KCNIP1: variants seen among roughly 807,000 people sequenced by gnomAD.
KCNIP1 encodes A-type potassium channel modulatory protein KCNIP1.
KCNIP1 carries 18 observed loss-of-function variants against 33.0 expected under a neutral mutation model. That is an observed-to-expected ratio of 0.55 (90% CI 0.38 to 0.81). KCNIP1 has a LOEUF of 0.81. Ranked by LOEUF, KCNIP1 falls within the 30% of genes least tolerant of loss-of-function variation. KCNIP1 has a pLI of 0.00. For synonymous variants in KCNIP1, 93 were observed against 98.3 expected (o/e 0.95, Z 0.32); for missense variants, 238 against 271.6 (o/e 0.88, Z 0.87).
chr5:170,504,732 C>G lies in KCNIP1; in HGVS notation c.61+99C>G. 1.0e-6 allele frequency: 1 copy of G among 995,946 alleles called. No homozygotes were observed. Among genetic ancestry groups the G allele is most frequent in the Admixed American group, 1.8e-5 (1 of 56,034 alleles). 61.7% of individuals were successfully genotyped at this position (995,946 alleles called of 1,614,324 possible). A position where few individuals can be genotyped will look rare whatever the true frequency, so the allele number is the denominator to read the frequency against. On this transcript the variant is annotated intron_variant, in intron 1 of 7. Coordinates refer to ENST00000328939, the MANE Select transcript of KCNIP1 (RefSeq NM_014592.4). This position sits in a 1 kb window ranked among gnomAD's most constrained non-coding sequence, Gnocchi z 6.0. ...TGCCTCCCTTAGTCCGGACTCTCCT[C>G]TCCACGAGGAGCCCGGACAGGTGCT...
At chr5:170,631,239 G>C (rs770371348) in intron 1 of KCNIP1, among the ~76,000 whole-genome samples, 1 of 152,150 alleles carries the variant, frequency 6.6e-6, no homozygotes, top group Non-Finnish European at 1.5e-5. Flanking sequence ...TATGTCATCT[G>C]TGAAATGGGT....
At chr5:170,480,072 A>C (rs965424971) in intron 1 of KCNIP1, among the ~76,000 whole-genome samples, 3 of 152,226 alleles carry the variant, frequency 2.0e-5, no homozygotes, top group Admixed American at 1.3e-4. Context: ...ACAAAACGTC[A>C]TACTGATTGA....
chr5:170,427,308 G>C (rs988171012), intron 1 of KCNIP1, among the ~76,000 whole-genome samples: 2 of 152,214 alleles, frequency 1.3e-5, no homozygotes, highest in Non-Finnish European at 2.9e-5. Flanking sequence ...GACCAGGAGA[G>C]AAAGGCGTAA....
intron 1 of KCNIP1, among the ~76,000 whole-genome samples, chr5:170,528,877 T>G (rs1410129341): frequency 1.3e-5 from 2 of 152,206 alleles, no homozygotes; most frequent in Non-Finnish European, 2.9e-5. Flanking sequence ...GGTCTGAGTT[T>G]GAGGACAGAA....
intron 1 of KCNIP1, among the ~76,000 whole-genome samples, chr5:170,551,219 A>G (rs1017275508): frequency 2.6e-5 from 4 of 152,174 alleles, no homozygotes; most frequent in African/African-American, 9.7e-5. Flanking sequence ...GCTTTGGCTG[A>G]TCTCACCCTG....
intron 1 of KCNIP1, among the ~76,000 whole-genome samples, chr5:170,390,003 A>G (rs1452578594): frequency 6.6e-6 from 1 of 152,172 alleles, no homozygotes; most frequent in African/African-American, 2.4e-5. Flanking sequence ...TTAAGGACCA[A>G]CTGAGCTGAA....
rs114691588 is a variant in KCNIP1 at position 170,653,340 on chromosome 5, G to C, written c.62-65418G>C. On this transcript the variant is annotated intron_variant, in intron 1 of 7. Transcript: ENST00000328939. ...TGATCAGCTCAGTGTCCTTGGAAAA[G>C]AGCAGAAAGTGGTATCACGAACATA... 2.5e-3 allele frequency among the ~76,000 whole-genome samples: 385 copies of C among 152,226 alleles called. 1 individual carries two copies. The highest frequency in any genetic ancestry group is 8.6e-3 in the African/African-American group (356 of 41,536).
intron 1 of KCNIP1, among the ~76,000 whole-genome samples, chr5:170,399,937 G>A (rs549211506): frequency 1.7e-4 from 26 of 152,260 alleles, no homozygotes; most frequent in Middle Eastern, 3.4e-3. Flanking sequence ...AAGAATATTA[G>A]CCATTAAAAG....
At chr5:170,559,422 A>T (rs1386472744) in intron 1 of KCNIP1, among the ~76,000 whole-genome samples, 1 of 152,158 alleles carries the variant, frequency 6.6e-6, no homozygotes, top group African/African-American at 2.4e-5. Flanking sequence ...CAGTTCTTCA[A>T]ACTTTGTAAC....
At chr5:170,667,112 A>T (rs1761734249) in intron 1 of KCNIP1, among the ~76,000 whole-genome samples, 1 of 152,138 alleles carries the variant, frequency 6.6e-6, no homozygotes, top group Admixed American at 6.5e-5. Context: ...AGGAGTTTGA[A>T]ACCGGCCTGA....
intron 1 of KCNIP1, among the ~76,000 whole-genome samples, chr5:170,606,765 G>A (rs57429517): frequency 0.03 from 4,516 of 152,286 alleles, 220 homozygotes; most frequent in African/African-American, 0.1. Flanking sequence ...GCTCACAGCC[G>A]TCCCTGCAGT....
intron 1 of KCNIP1, among the ~76,000 whole-genome samples, chr5:170,586,049 G>A (rs972657814): frequency 3.9e-5 from 6 of 152,194 alleles, no homozygotes; most frequent in Non-Finnish European, 5.9e-5. Context: ...TGGGCAGGCC[G>A]GGCAACATGC....
intron 1 of KCNIP1, among the ~76,000 whole-genome samples, chr5:170,661,189 TG>T (rs1363691960): frequency 2.6e-5 from 4 of 152,248 alleles, no homozygotes; most frequent in African/African-American, 7.2e-5. Context: ...AAGGAGAGGC[TG>T]GGTGAGGCTT....
intron 1 of KCNIP1, among the ~76,000 whole-genome samples, chr5:170,619,441 G>A (rs986143043): frequency 6.6e-6 from 1 of 152,162 alleles, no homozygotes; most frequent in Non-Finnish European, 1.5e-5. Context: ...ACAAAGGTTT[G>A]CCAGGAGCCT....
At chr5:170,543,128 G>T (rs528018819) in intron 1 of KCNIP1, among the ~76,000 whole-genome samples, 1 of 152,116 alleles carries the variant, frequency 6.6e-6, no homozygotes, top group Admixed American at 6.5e-5. Flanking sequence ...TAATCACCCC[G>T]CAGATGCTCC....
intron 1 of KCNIP1, among the ~76,000 whole-genome samples, chr5:170,566,186 G>T (rs1247140517): frequency 3.9e-5 from 6 of 151,902 alleles, no homozygotes; most frequent in Non-Finnish European, 8.8e-5. Context: ...TCAGCCTCCC[G>T]AGTAGCTGGG....
chr5:170,564,793 T>G (rs59948115), intron 1 of KCNIP1, among the ~76,000 whole-genome samples: 12,324 of 152,170 alleles, frequency 0.081, 1,644 homozygotes, highest in African/African-American at 0.27. Flanking sequence ...AACAGACAAA[T>G]TATATAGCTG....
At chr5:170,492,483 T>C (rs931503886) in intron 1 of KCNIP1, among the ~76,000 whole-genome samples, 10 of 152,216 alleles carry the variant, frequency 6.6e-5, no homozygotes, top group African/African-American at 2.4e-4. Flanking sequence ...TTCAATTACA[T>C]AAGCATGATT....
At chr5:170,550,859 C>T (rs977083584) in intron 1 of KCNIP1, among the ~76,000 whole-genome samples, 2 of 152,216 alleles carry the variant, frequency 1.3e-5, no homozygotes, top group African/African-American at 4.8e-5. Flanking sequence ...CTTCCCTTCA[C>T]TCAATGCTAT....
Sources: gnomAD v4.1 joint callset for allele counts (sites outside exome capture counted in the v4.1 genomes callset) on GRCh38, gnomAD v4.1.1 for gene constraint, Gnocchi (gnomAD v3.1) non-coding constraint, MANE v1.5 for transcripts, NCBI Gene and HGNC (gene_info 2026-07-23, HGNC 2026-07-21) for gene names.